GABBR2: variants seen among roughly 807,000 people sequenced by gnomAD.
The protein encoded by GABBR2 is G-protein coupled receptor 51.
A neutral mutation model predicts 105.6 loss-of-function variants in GABBR2; 23 were observed. The ratio of observed to expected loss-of-function variants is 0.22; its 90% confidence interval spans 0.16 to 0.31. The LOEUF (loss-of-function observed/expected upper bound fraction) is 0.31. Among genes scored for constraint, GABBR2 ranks in the 10% least tolerant of loss-of-function variants. The pLI, the probability that GABBR2 is intolerant of heterozygous loss-of-function variation, is 1.00. For synonymous variants in GABBR2, 478 were observed against 499.7 expected, an observed-to-expected ratio of 0.96 and a Z score of 0.58; for missense variants, 734 against 1,245.5, an observed-to-expected ratio of 0.59 and a Z score of 6.18.
At chr9:98,441,850 G>A (rs1826036853) in intron 7 of GABBR2, among the ~76,000 whole-genome samples, 1 of 152,016 alleles carries the variant, frequency 6.6e-6, no homozygotes, top group Admixed American at 6.6e-5. Context: ...AAAACGATAG[G>A]GTTAAGAAGA....
At chr9:98,407,458 A>G (rs570574865) in intron 7 of GABBR2, among the ~76,000 whole-genome samples, 2 of 152,362 alleles carry the variant, frequency 1.3e-5, no homozygotes, top group African/African-American at 4.8e-5. Context: ...TTCTATATTC[A>G]GGTGACGGTA....
chr9:98,544,156 G>A (rs1379222633), intron 2 of GABBR2, among the ~76,000 whole-genome samples: 1 of 152,074 alleles, frequency 6.6e-6, no homozygotes, highest in Non-Finnish European at 1.5e-5. Flanking sequence ...AGCAGCTCTG[G>A]ATTTGATCCA....
intron 3 of GABBR2, among the ~76,000 whole-genome samples, chr9:98,497,318 TG>T (rs1214633442): frequency 1.3e-5 from 2 of 152,182 alleles, no homozygotes; most frequent in Admixed American, 1.3e-4. Context: ...TGAGTTAGAA[TG>T]TGGGTCAAGG....
intron 7 of GABBR2, among the ~76,000 whole-genome samples, chr9:98,421,831 T>C (rs16915857): frequency 0.033 from 5,060 of 151,782 alleles, 153 homozygotes; most frequent in African/African-American, 0.074. Context: ...TAAACAAGAG[T>C]GGATACGTGA....
At chr9:98,387,671 A>G (rs1279697827) in intron 10 of GABBR2, among the ~76,000 whole-genome samples, 1 of 152,298 alleles carries the variant, frequency 6.6e-6, no homozygotes, top group Middle Eastern at 3.4e-3. Context: ...TCATGCCTCT[A>G]ATTCCAGCAA....
chr9:98,548,526 T>A (rs1828432040), intron 2 of GABBR2, among the ~76,000 whole-genome samples: 1 of 115,660 alleles, frequency 8.6e-6, no homozygotes, highest in African/African-American at 2.7e-5. Flanking sequence ...TGTGCTCCCC[T>A]CCTCTTCTCA....
chr9:98,627,149 G>A (rs1053796030), intron 1 of GABBR2, among the ~76,000 whole-genome samples: 1 of 152,154 alleles, frequency 6.6e-6, no homozygotes, highest in Non-Finnish European at 1.5e-5. Flanking sequence ...CTGGTGGGCC[G>A]ATTTGGGACA....
intron 2 of GABBR2, among the ~76,000 whole-genome samples, chr9:98,566,519 C>T (rs527874241): frequency 1.3e-5 from 2 of 151,944 alleles, no homozygotes; most frequent in African/African-American, 4.8e-5. Flanking sequence ...ACTAAAATTA[C>T]AAAAAATTAG....
intron 1 of GABBR2, among the ~76,000 whole-genome samples, chr9:98,637,982 G>C (rs933197096): frequency 6.6e-6 from 1 of 152,156 alleles, no homozygotes; most frequent in Non-Finnish European, 1.5e-5. Flanking sequence ...AAAACTTAAG[G>C]ATAGGTGTTT....
chr9:98,353,992 C>A (rs184078571), intron 13 of GABBR2, among the ~76,000 whole-genome samples: 1 of 152,308 alleles, frequency 6.6e-6, no homozygotes, highest in Non-Finnish European at 1.5e-5. Flanking sequence ...GCCTTCCCAG[C>A]AATGCAGAAC....
chr9:98,513,663 T>C (rs1827699722), intron 3 of GABBR2, among the ~76,000 whole-genome samples: 1 of 151,966 alleles, frequency 6.6e-6, no homozygotes, highest in South Asian at 2.1e-4. Context: ...AAAATGCTCA[T>C]CATCACTGGC....
intron 7 of GABBR2, among the ~76,000 whole-genome samples, chr9:98,423,108 G>C (rs1832813245): frequency 6.6e-6 from 1 of 152,148 alleles, no homozygotes; most frequent in African/African-American, 2.4e-5. Context: ...ATGATTTATA[G>C]TCCTTTGGGT....
chr9:98,551,435 A>T (rs1165316711), intron 2 of GABBR2, among the ~76,000 whole-genome samples: 1 of 152,064 alleles, frequency 6.6e-6, no homozygotes. Context: ...ACAAAACAAA[A>T]ACTTTCAGAC....
intron 11 of GABBR2, among the ~76,000 whole-genome samples, chr9:98,377,596 G>T (rs1399951658): frequency 6.6e-6 from 1 of 152,208 alleles, no homozygotes; most frequent in Non-Finnish European, 1.5e-5. Flanking sequence ...GTGCCTAGCA[G>T]GTGCCTGGGA....
chr9:98,297,474 G>C (rs1309817197), intron 17 of GABBR2, among the ~76,000 whole-genome samples: 1 of 151,800 alleles, frequency 6.6e-6, no homozygotes, highest in African/African-American at 2.4e-5. Context: ...TTAGCTGGGT[G>C]CAGTGGCAGG....
At chr9:98,572,536 C>A (rs1828846793) in intron 2 of GABBR2, among the ~76,000 whole-genome samples, 1 of 152,182 alleles carries the variant, frequency 6.6e-6, no homozygotes, top group South Asian at 2.1e-4. Flanking sequence ...TTTATCAAAT[C>A]CCTTGGGCAC....
intron 1 of GABBR2, chr9:98,607,268 G>T (rs1429908763): frequency 2.8e-6 from 3 of 1,086,668 alleles, no homozygotes; most frequent in East Asian, 4.7e-5. Context: ...ATGCAGAATC[G>T]CATGTGAACG....
At chr9:98,342,796 G>A (rs1023161149) in intron 13 of GABBR2, among the ~76,000 whole-genome samples, 1 of 152,226 alleles carries the variant, frequency 6.6e-6, no homozygotes, top group African/African-American at 2.4e-5. Context: ...AGCCTACTGG[G>A]TAGGGCAGAC....
At chr9:98,422,306 A>G (rs1034075057) in intron 7 of GABBR2, among the ~76,000 whole-genome samples, 1 of 152,222 alleles carries the variant, frequency 6.6e-6, no homozygotes, top group Non-Finnish European at 1.5e-5. Flanking sequence ...AATTCTAGGT[A>G]TTGGTGAAGA....
Sources: allele counts gnomAD v4.1 joint callset (sites outside exome capture counted in the v4.1 genomes callset), GRCh38; gene constraint gnomAD v4.1.1; transcripts MANE v1.5; gene names NCBI Gene and HGNC (gene_info 2026-07-23, HGNC 2026-07-21).